The following ZNF793 variants were observed in gnomAD, a reference collection of about 807,000 sequenced individuals.
The protein encoded by ZNF793 is zinc finger protein 793.
In ZNF793, 5 loss-of-function variants were observed where a neutral mutation model predicts 12.4. That is an observed-to-expected ratio of 0.40 (90% CI 0.21 to 0.84). The LOEUF (loss-of-function observed/expected upper bound fraction) is 0.84, where lower values mean the gene tolerates loss of function less well. Among genes scored for constraint, ZNF793 ranks in the 40% least tolerant of loss-of-function variants. The pLI is 0.35. For synonymous variants in ZNF793, 162 were observed against 172.4 expected (o/e 0.94, Z 0.47); for missense variants, 456 against 495.0 (o/e 0.92, Z 0.75).
At chr19:37,531,700 C>T (rs1451000350) in intron 5 of ZNF793, among the ~76,000 whole-genome samples, 1 of 152,180 alleles carries the variant, frequency 6.6e-6, no homozygotes, top group East Asian at 1.9e-4. Flanking sequence ...TCTCTGTATG[C>T]CATAGCCTAG....
rs143852313 is a variant in ZNF793, at chr19:37,537,243, A to G, written c.585A>G (p.Lys195=). The G allele has an allele frequency of 4.5e-5, 73 of 1,613,934 alleles. No homozygotes were observed. The Admixed American group carries it at 8.2e-4, about 18-fold the overall frequency. ...EKPRGCSHCE[K]AFTQNPALMY... ...CCCGGGGTTGCAGTCACTGTGAGAA[A>G]GCTTTCACCCAGAACCCGGCACTTA... Residue 195 remains lysine (K), a synonymous_variant, in exon 8 of 8, where the codon AAA becomes AAG. Coordinates refer to ENST00000627814, the MANE Select transcript of ZNF793 (RefSeq NM_001013659.3).
At chr19:37,516,709 C>T (rs1449531366) in intron 2 of ZNF793, among the ~76,000 whole-genome samples, 2 of 151,942 alleles carry the variant, frequency 1.3e-5, no homozygotes, top group African/African-American at 2.4e-5. Flanking sequence ...TACAGTGGTA[C>T]GATCTCAGCT....
At chr19:37,526,809 C>T (rs541104211) in intron 5 of ZNF793, among the ~76,000 whole-genome samples, 1 of 152,204 alleles carries the variant, frequency 6.6e-6, no homozygotes, top group Non-Finnish European at 1.5e-5. Context: ...AGAGCCACTT[C>T]GGTGCTTCTT....
chr19:37,517,215 C>T (rs867649225), intron 2 of ZNF793, among the ~76,000 whole-genome samples: 2 of 152,096 alleles, frequency 1.3e-5, no homozygotes, highest in Non-Finnish European at 2.9e-5. Flanking sequence ...TGAAGGAAAT[C>T]GAAGCAAATA....
chr19:37,514,484 A>G (rs1020107894), intron 2 of ZNF793, among the ~76,000 whole-genome samples: 1 of 152,106 alleles, frequency 6.6e-6, no homozygotes, highest in Non-Finnish European at 1.5e-5. Flanking sequence ...TGAGTCTGGT[A>G]GGTTAAGACT....
chr19:37,537,615 G>A lies in ZNF793; in HGVS notation c.957G>A (p.Ser319=), dbSNP rs776128251. The change falls in exon 8 of 8, where the codon TCG becomes TCA. Residue 319 remains serine, a synonymous_variant. Transcript: ENST00000627814. ...RPFVCSECGK[S]FGEKSYLNVH... ...TTGTCTGCAGTGAATGCGGGAAATC[G>A]TTTGGTGAGAAGTCATACCTCAATG... 22 of 1,614,090 alleles carry A rather than the reference G, an allele frequency of 1.4e-5. No homozygotes were observed. Among genetic ancestry groups the A allele is most frequent in the East Asian group, 6.7e-5 (3 of 44,888 alleles).
rs1425807963 is a variant in ZNF793 at position 37,537,137 on chromosome 19, C to G, written c.479C>G (p.Ala160Gly). The G allele has an allele frequency of 1.2e-5, 20 of 1,613,014 alleles. No individual in the cohort carries two copies. Among genetic ancestry groups the G allele is most frequent in the Non-Finnish European group, 1.7e-5 (20 of 1,179,500 alleles). The change falls in exon 8 of 8, where the codon GCA becomes GGA. Residue 160 changes from alanine to glycine, a missense_variant. Ala to Gly is a moderately conservative substitution (Grantham distance 60). Coordinates refer to ENST00000627814, the MANE Select transcript of ZNF793 (RefSeq NM_001013659.3). ...LDLIGFKRNC[A>G]KKQDECYAYG... ...TTGATTGGTTTTAAGAGAAACTGTG[C>G]AAAAAAGCAAGATGAGTGTTATGCT...
intron 2 of ZNF793, among the ~76,000 whole-genome samples, chr19:37,513,883 TTC>T (rs1228538962): frequency 6.6e-6 from 1 of 152,188 alleles, no homozygotes; most frequent in African/African-American, 2.4e-5. Flanking sequence ...AGTTTTTATT[TTC>T]TGTCTTGATG....
Position 37,537,615 on chromosome 19 carries a change from G to C in ZNF793, c.957G>C (p.Ser319=), listed in dbSNP as rs776128251. The C allele has an allele frequency of 3.1e-6, 5 of 1,614,090 alleles. No individual in the cohort carries two copies. Among genetic ancestry groups the C allele is most frequent in the Admixed American group, 3.3e-5 (2 of 60,012 alleles). The part of the protein sequence containing the change: ...RPFVCSECGK[S]FGEKSYLNVH... The stretch of plus-strand genomic sequence containing the variant: ...TTGTCTGCAGTGAATGCGGGAAATC[G>C]TTTGGTGAGAAGTCATACCTCAATG... The change falls in exon 8 of 8, where the codon TCG becomes TCC. Residue 319 remains serine (S), a synonymous_variant. Transcript: ENST00000627814.
intron 3 of ZNF793, among the ~76,000 whole-genome samples, chr19:37,520,618 C>A (rs1037645662): frequency 6.6e-6 from 1 of 152,184 alleles, no homozygotes; most frequent in African/African-American, 2.4e-5. Context: ...GCCAGAGTCT[C>A]ATGGCGGGTG....
At chr19:37,533,715 T>C (rs899836351) in intron 7 of ZNF793, 2 of 463,392 alleles carry the variant, frequency 4.3e-6, no homozygotes, top group African/African-American at 4.0e-5. Flanking sequence ...TGACAAACTT[T>C]CCAGATAAAA....
At chr19:37,521,429 CTTTTTTTTTTT>C (rs74174472) in intron 3 of ZNF793, among the ~76,000 whole-genome samples, 4 of 97,028 alleles carry the variant, frequency 4.1e-5, no homozygotes, top group South Asian at 3.8e-4. Flanking sequence ...GGTCAATTCT[CTTTTTTTTTTT>C]TTTTTTTTTT....
intron 3 of ZNF793, among the ~76,000 whole-genome samples, chr19:37,522,028 T>A (rs1306428413): frequency 4.6e-5 from 7 of 152,174 alleles, no homozygotes; most frequent in Admixed American, 3.3e-4. Context: ...AACTTTTTTT[T>A]ATGTAACCAG....
chr19:37,527,349 C>G (rs2042424168), intron 5 of ZNF793, among the ~76,000 whole-genome samples: 3 of 152,174 alleles, frequency 2.0e-5, no homozygotes, highest in Admixed American at 1.3e-4. Context: ...GCCACCGCTC[C>G]TGGCCAGAAT....
At chr19:37,528,137 T>A (rs2042430903) in intron 5 of ZNF793, among the ~76,000 whole-genome samples, 1 of 151,860 alleles carries the variant, frequency 6.6e-6, no homozygotes, top group African/African-American at 2.4e-5. Flanking sequence ...TCAAAATAAA[T>A]TAATTAATTA....
intron 5 of ZNF793, among the ~76,000 whole-genome samples, chr19:37,528,899 G>A (rs949404596): frequency 1.3e-5 from 2 of 152,110 alleles, no homozygotes; most frequent in Non-Finnish European, 2.9e-5. Flanking sequence ...TCTCACTTTT[G>A]TGCTGATGCT....
intron 3 of ZNF793, among the ~76,000 whole-genome samples, chr19:37,522,258 C>T (rs753411966): frequency 2.0e-5 from 3 of 152,058 alleles, no homozygotes; most frequent in African/African-American, 4.8e-5. Context: ...AGTGCAATGG[C>T]GCGATCTTGG....
chr19:37,511,580 A>G (rs571069566), intron 2 of ZNF793, among the ~76,000 whole-genome samples: 1 of 152,328 alleles, frequency 6.6e-6, no homozygotes, highest in Admixed American at 6.5e-5. Flanking sequence ...CTGAGGCAGG[A>G]GAATCATTTG....
intron 5 of ZNF793, among the ~76,000 whole-genome samples, chr19:37,525,212 C>T (rs1383920134): frequency 1.3e-5 from 2 of 151,312 alleles, no homozygotes; most frequent in Non-Finnish European, 2.9e-5. Flanking sequence ...AATCTTGGCT[C>T]ACTGCCAACT....
Sources: gnomAD v4.1 joint callset for allele counts (sites outside exome capture counted in the v4.1 genomes callset) on GRCh38, gnomAD v4.1.1 for gene constraint, MANE v1.5 for transcripts, NCBI Gene and HGNC (gene_info 2026-07-23, HGNC 2026-07-21) for gene names.